The following DPP10 variants were observed in gnomAD, a reference collection of about 807,000 sequenced individuals.
DPP10 encodes inactive dipeptidyl peptidase 10.
DPP10 carries 33 observed loss-of-function variants against 120.9 expected under a neutral mutation model. That is an observed-to-expected ratio of 0.27 (90% confidence interval 0.21 to 0.37). The LOEUF is 0.37. Ranked by LOEUF, DPP10 falls within the 10% of genes least tolerant of loss-of-function variation. DPP10 has a pLI of 1.00. For synonymous variants in DPP10, 337 were observed against 326.1 expected, an observed-to-expected ratio of 1.03 and a Z score of -0.36; for missense variants, 816 against 942.8, an observed-to-expected ratio of 0.87 and a Z score of 1.76.
intron 1 of DPP10, among the ~76,000 whole-genome samples, chr2:114,565,092 C>T (rs963475559): frequency 9.2e-5 from 14 of 152,122 alleles, no homozygotes; most frequent in East Asian, 7.7e-4. Context: ...AGTGGGGCCT[C>T]GTGATGGAGG....
At chr2:114,819,048 C>T (rs1213211993) in intron 1 of DPP10, among the ~76,000 whole-genome samples, 1 of 151,976 alleles carries the variant, frequency 6.6e-6, no homozygotes, top group East Asian at 1.9e-4. Flanking sequence ...TAAGTGGCTG[C>T]AGGAAGGAAG....
intron 3 of DPP10, among the ~76,000 whole-genome samples, chr2:115,407,555 A>G (rs1021061758): frequency 1.3e-5 from 2 of 152,112 alleles, no homozygotes; most frequent in Non-Finnish European, 2.9e-5. Context: ...GAGAGAAGGG[A>G]CAAACCAGGT....
At chr2:115,123,303 T>C (rs981342690) in intron 1 of DPP10, among the ~76,000 whole-genome samples, 1 of 152,208 alleles carries the variant, frequency 6.6e-6, no homozygotes, top group Admixed American at 6.5e-5. Flanking sequence ...CCTAGTTCCC[T>C]GTCTGTCCCT....
chr2:115,030,661 C>T (rs954999785), intron 1 of DPP10, among the ~76,000 whole-genome samples: 1 of 152,104 alleles, frequency 6.6e-6, no homozygotes, highest in Admixed American at 6.5e-5. Flanking sequence ...AAACAGGCCC[C>T]AATGTGTGTT....
At position 115,683,578 on chromosome 2, in the gene DPP10, G is replaced by T. The variant is rs1020320441; in HGVS notation, c.442-6109G>T. Among the ~76,000 whole-genome samples, 14 of 151,942 alleles carry T rather than the reference G, an allele frequency of 9.2e-5. No individual in the cohort carries two copies. The East Asian group carries it at 2.7e-3, about 29-fold the overall frequency. On this transcript the variant is annotated intron_variant, in intron 5 of 25. Coordinates refer to ENST00000410059, the MANE Select transcript of DPP10 (RefSeq NM_020868.6). ...GGTAGGGGATATTGATAGTGGAGAG[G>T]CTGTGTGTGTGTGGAGGCAGAGGTA...
intron 1 of DPP10, among the ~76,000 whole-genome samples, chr2:114,849,432 C>T (rs1299971740): frequency 6.6e-6 from 1 of 152,150 alleles, no homozygotes; most frequent in Non-Finnish European, 1.5e-5. Flanking sequence ...TCACGGCAGC[C>T]TCAACCTCCT....
chr2:115,479,889 A>G (rs573166966), intron 3 of DPP10, among the ~76,000 whole-genome samples: 8 of 152,262 alleles, frequency 5.3e-5, no homozygotes, highest in Admixed American at 2.0e-4. Flanking sequence ...CAAGGCTGAA[A>G]GAAGCAGTGG....
chr2:115,170,023 G>T (rs77472469), intron 1 of DPP10, among the ~76,000 whole-genome samples: 1 of 152,146 alleles, frequency 6.6e-6, no homozygotes, highest in Non-Finnish European at 1.5e-5. Context: ...TCAAGAACTT[G>T]AGTGGCAGGC....
At chr2:115,215,291 A>G (rs572526706) in intron 1 of DPP10, among the ~76,000 whole-genome samples, 1 of 152,222 alleles carries the variant, frequency 6.6e-6, no homozygotes, top group Non-Finnish European at 1.5e-5. Context: ...GCAGGAACTT[A>G]TAACTTATTT....
At chr2:114,800,458 A>G (rs1382577925) in intron 1 of DPP10, among the ~76,000 whole-genome samples, 1 of 152,234 alleles carries the variant, frequency 6.6e-6, no homozygotes, top group African/African-American at 2.4e-5. Context: ...CACTTCACAT[A>G]CGAGGAATGC....
chr2:115,280,618 CAT>C (rs943432474), intron 1 of DPP10, among the ~76,000 whole-genome samples: 1 of 152,180 alleles, frequency 6.6e-6, no homozygotes, highest in Non-Finnish European at 1.5e-5. Flanking sequence ...ATTTTTCACA[CAT>C]GTTGAGAAAT....
chr2:115,331,457 A>G (rs1316000319), intron 2 of DPP10, among the ~76,000 whole-genome samples: 1 of 152,168 alleles, frequency 6.6e-6, no homozygotes, highest in Non-Finnish European at 1.5e-5. Context: ...TTCCAGCACT[A>G]TGTTGAATAG....
chr2:114,483,627 AT>A (rs1425987171), intron 1 of DPP10, among the ~76,000 whole-genome samples: 19 of 152,068 alleles, frequency 1.2e-4, no homozygotes, highest in African/African-American at 4.6e-4. Flanking sequence ...ACTGTGCAAT[AT>A]ATATATTTTT....
intron 3 of DPP10, among the ~76,000 whole-genome samples, chr2:115,408,548 C>T (rs967470047): frequency 9.9e-5 from 15 of 152,088 alleles, no homozygotes; most frequent in Non-Finnish European, 1.8e-4. Flanking sequence ...GTGTAACACT[C>T]TCAAAGGGAC....
At chr2:114,611,859 C>T (rs977073219) in intron 1 of DPP10, among the ~76,000 whole-genome samples, 2 of 152,160 alleles carry the variant, frequency 1.3e-5, no homozygotes, top group Non-Finnish European at 2.9e-5. Context: ...AATACTGATT[C>T]TACCACTAGC....
intron 1 of DPP10, among the ~76,000 whole-genome samples, chr2:114,512,031 A>G (rs1213659200): frequency 1.3e-5 from 2 of 152,256 alleles, no homozygotes; most frequent in African/African-American, 4.8e-5. Flanking sequence ...TGTGGAGATG[A>G]GACTCATAAT....
chr2:114,649,394 G>A (rs534341491), intron 1 of DPP10, among the ~76,000 whole-genome samples: 60 of 151,356 alleles, frequency 4.0e-4, no homozygotes, highest in Middle Eastern at 3.2e-3. Context: ...TGTCACCCAG[G>A]CTGGAGTGCA....
At chr2:114,831,418 T>G (rs1687108079) in intron 1 of DPP10, among the ~76,000 whole-genome samples, 1 of 152,156 alleles carries the variant, frequency 6.6e-6, no homozygotes, top group Non-Finnish European at 1.5e-5. Context: ...TTTCATAACT[T>G]AGGACCAACT....
intron 5 of DPP10, among the ~76,000 whole-genome samples, chr2:115,587,469 G>A (rs1465916304): frequency 6.6e-6 from 1 of 152,108 alleles, no homozygotes; most frequent in Non-Finnish European, 1.5e-5. Context: ...AGATTATACA[G>A]TATTTGTCTT....
Sources: allele counts gnomAD v4.1 joint callset (sites outside exome capture counted in the v4.1 genomes callset), GRCh38; gene constraint gnomAD v4.1.1; transcripts MANE v1.5; gene names NCBI Gene and HGNC (gene_info 2026-07-23, HGNC 2026-07-21).